The following ATG5 variants were observed in gnomAD, a reference collection of about 807,000 sequenced individuals.
The protein encoded by ATG5 is autophagy related 5, also known as autophagy protein 5.
In ATG5, 14 loss-of-function variants were observed where a neutral mutation model predicts 36.5. That is an observed-to-expected ratio of 0.38 (90% CI 0.25 to 0.60). ATG5 has a LOEUF of 0.60. ATG5 is among the 20% of genes least tolerant of loss of function. The pLI is 0.60. For missense variants in ATG5, 195 were observed against 326.7 expected, an observed-to-expected ratio of 0.60 and a Z score of 3.11; for synonymous variants, 95 against 101.5, an observed-to-expected ratio of 0.94 and a Z score of 0.38.
At chr6:106,289,373 C>T in intron 4 of ATG5, among the ~76,000 whole-genome samples, 1 of 151,830 alleles carries the variant, frequency 6.6e-6, no homozygotes, top group Admixed American at 6.6e-5. Flanking sequence ...CCTGATGCTC[C>T]CCTAAATGAA....
chr6:106,240,320 T>C (rs1289675569), intron 6 of ATG5, among the ~76,000 whole-genome samples: 1 of 148,946 alleles, frequency 6.7e-6, no homozygotes, highest in African/African-American at 2.4e-5. Context: ...TCTATAAAAA[T>C]TATTTTATAA....
chr6:106,260,426 G>C (rs530983494), intron 5 of ATG5, among the ~76,000 whole-genome samples: 2 of 152,124 alleles, frequency 1.3e-5, no homozygotes, highest in African/African-American at 4.8e-5. Flanking sequence ...AAATGTAAAA[G>C]AGCTCCAGGA....
At position 106,196,223 on chromosome 6, in the gene ATG5, T is replaced by C. The variant is rs144400614; in HGVS notation, c.691+5749A>G. Among the ~76,000 whole-genome samples, 126 of 152,252 alleles carry C rather than the reference T, an allele frequency of 8.3e-4. No individual in the cohort carries two copies. In the East Asian group the frequency reaches 0.023, roughly 28 times the overall value. On this transcript the variant is annotated intron_variant, in intron 7 of 7. Transcript: ENST00000369076. Reference sequence around the variant, plus strand: ...AAGAGAGAAGAGCATGTAGGCAGATTAGATACTAAACACAAATTGAAGACT... The same window carrying C: ...AAGAGAGAAGAGCATGTAGGCAGATCAGATACTAAACACAAATTGAAGACT...
intron 6 of ATG5, among the ~76,000 whole-genome samples, chr6:106,212,531 C>T (rs180697033): frequency 2.5e-3 from 374 of 152,112 alleles, no homozygotes; most frequent in African/African-American, 8.5e-3. Context: ...CCCAGCTACT[C>T]GGGAGGCTGA....
At chr6:106,255,054 G>A (rs1251773193) in intron 5 of ATG5, among the ~76,000 whole-genome samples, 1 of 152,064 alleles carries the variant, frequency 6.6e-6, no homozygotes, top group Non-Finnish European at 1.5e-5. Context: ...TCACCCTGTG[G>A]GCACAATTTA....
chr6:106,246,427 CA>C (rs1200145628), intron 6 of ATG5, among the ~76,000 whole-genome samples: 7 of 150,082 alleles, frequency 4.7e-5, no homozygotes, highest in South Asian at 2.1e-4. Flanking sequence ...CACACACACA[CA>C]CACCCTTTCT....
chr6:106,187,890 G>T (rs974052891), intron 7 of ATG5, among the ~76,000 whole-genome samples: 3 of 151,744 alleles, frequency 2.0e-5, no homozygotes, highest in Non-Finnish European at 4.4e-5. Flanking sequence ...AAAAGAATGT[G>T]AAAAATAAAA....
intron 5 of ATG5, among the ~76,000 whole-genome samples, chr6:106,251,219 T>C (rs1371019673): frequency 6.6e-6 from 1 of 152,250 alleles, no homozygotes; most frequent in Non-Finnish European, 1.5e-5. Flanking sequence ...GTTGATCACC[T>C]GCATTCCAGG....
At chr6:106,211,740 G>T (rs776571681) in intron 6 of ATG5, among the ~76,000 whole-genome samples, 4 of 152,126 alleles carry the variant, frequency 2.6e-5, no homozygotes, top group African/African-American at 4.8e-5. Context: ...CCTGTAAACT[G>T]AATGCATAAT....
chr6:106,219,559 AATATT>A (rs1777164083), intron 6 of ATG5, among the ~76,000 whole-genome samples: 1 of 152,178 alleles, frequency 6.6e-6, no homozygotes, highest in African/African-American at 2.4e-5. Context: ...ATGTGTATGA[AATATT>A]ATAAGTAATC....
chr6:106,315,192 C>T (rs1236734347), intron 2 of ATG5, among the ~76,000 whole-genome samples: 1 of 152,174 alleles, frequency 6.6e-6, no homozygotes, highest in East Asian at 1.9e-4. Context: ...AGCACTGCCT[C>T]TCAGAGAGAT....
intron 6 of ATG5, among the ~76,000 whole-genome samples, chr6:106,229,475 A>G (rs1454153653): frequency 1.3e-5 from 2 of 152,132 alleles, no homozygotes; most frequent in Non-Finnish European, 2.9e-5. Flanking sequence ...AGAGAGACAG[A>G]GAGGAGAGGG....
At chr6:106,250,107 C>T (rs1406207533) in intron 5 of ATG5, among the ~76,000 whole-genome samples, 1 of 151,962 alleles carries the variant, frequency 6.6e-6, no homozygotes, top group Non-Finnish European at 1.5e-5. Flanking sequence ...ATTTTATATT[C>T]AGAAATTTGT....
At chr6:106,228,493 A>G (rs1030919857) in intron 6 of ATG5, among the ~76,000 whole-genome samples, 2 of 152,116 alleles carry the variant, frequency 1.3e-5, no homozygotes, top group Non-Finnish European at 2.9e-5. Flanking sequence ...TAATAGAGCT[A>G]TAACACTCAC....
intron 2 of ATG5, among the ~76,000 whole-genome samples, chr6:106,312,623 TACACACACACAC>T (rs144983689): frequency 0.17 from 24,961 of 144,480 alleles, 2,404 homozygotes; most frequent in Admixed American, 0.33. Context: ...CAAAAAAGAC[TACACACACACAC>T]ACACACACAC....
At chr6:106,318,098 G>T (rs1770924905) in intron 1 of ATG5, among the ~76,000 whole-genome samples, 1 of 152,114 alleles carries the variant, frequency 6.6e-6, no homozygotes, top group Admixed American at 6.6e-5. Flanking sequence ...TGTCACTATT[G>T]ATATTATTTT....
chr6:106,198,889 T>C (rs971003607), intron 7 of ATG5, among the ~76,000 whole-genome samples: 2 of 151,882 alleles, frequency 1.3e-5, no homozygotes, highest in African/African-American at 4.8e-5. Context: ...ATCCAGAATA[T>C]ATAAATAATG....
chr6:106,283,483 A>C (rs1779958014), intron 4 of ATG5: 1 of 152,154 alleles, frequency 6.6e-6, no homozygotes, highest in South Asian at 2.1e-4. Context: ...CCCAGTACTA[A>C]TCAGCACGGG....
At chr6:106,307,418 C>G (rs1479242203) in intron 3 of ATG5, among the ~76,000 whole-genome samples, 2 of 151,848 alleles carry the variant, frequency 1.3e-5, no homozygotes, top group African/African-American at 2.4e-5. Flanking sequence ...CTGTAATTTC[C>G]AGTTTCATTA....
Sources: allele counts gnomAD v4.1 joint callset (sites outside exome capture counted in the v4.1 genomes callset), GRCh38; gene constraint gnomAD v4.1.1; transcripts MANE v1.5; gene names NCBI Gene and HGNC (gene_info 2026-07-23, HGNC 2026-07-21).